The following CSMD1 variants were observed in gnomAD, a reference collection of about 807,000 sequenced individuals.
CSMD1 encodes CUB and sushi domain-containing protein 1.
Under a neutral mutation model 417.5 loss-of-function variants are expected in CSMD1, and 213 were observed. That is an observed-to-expected ratio of 0.51 (90% CI 0.46 to 0.57). The LOEUF is 0.57. Ranked by LOEUF, CSMD1 falls within the 20% of genes least tolerant of loss-of-function variation. CSMD1 has a pLI of 0.00. For synonymous variants in CSMD1, 2,862 were observed against 1,736.8 expected (o/e 1.65, Z -16.11); for missense variants, 6,923 against 4,529.7 (o/e 1.53, Z -15.17).
intron 5 of CSMD1, among the ~76,000 whole-genome samples, chr8:3,980,289 G>C (rs1467876569): frequency 6.6e-6 from 1 of 152,144 alleles, no homozygotes; most frequent in Non-Finnish European, 1.5e-5. Flanking sequence ...TCCGACCACA[G>C]CCCAATGCTA....
At chr8:4,732,031 G>A (rs990234322) in intron 1 of CSMD1, among the ~76,000 whole-genome samples, 4 of 152,118 alleles carry the variant, frequency 2.6e-5, no homozygotes, top group Non-Finnish European at 4.4e-5. Flanking sequence ...AGTGTTGACT[G>A]CATGCCTCCC....
At chr8:3,844,525 A>G (rs192528243) in intron 5 of CSMD1, among the ~76,000 whole-genome samples, 217 of 152,312 alleles carry the variant, frequency 1.4e-3, no homozygotes, top group Non-Finnish European at 2.5e-3. Context: ...ATCATCTTTT[A>G]GCAGAATTGT....
intron 1 of CSMD1, among the ~76,000 whole-genome samples, chr8:4,930,390 TATATACAC>T (rs1263175764): frequency 2.0e-5 from 3 of 152,116 alleles, no homozygotes; most frequent in Non-Finnish European, 4.4e-5. Context: ...CACGCATATA[TATATACAC>T]ATATACATGC....
intron 11 of CSMD1, among the ~76,000 whole-genome samples, chr8:3,477,909 A>G (rs935597119): frequency 1.3e-5 from 2 of 152,208 alleles, no homozygotes; most frequent in African/African-American, 4.8e-5. Context: ...GGTGGAAAAG[A>G]GCAGGAATCT....
At chr8:3,906,074 G>GCT (rs1424613715) in intron 5 of CSMD1, among the ~76,000 whole-genome samples, 3 of 152,088 alleles carry the variant, frequency 2.0e-5, no homozygotes, top group African/African-American at 7.2e-5. Context: ...TCACAGACAT[G>GCT]CTCTCTCTTT....
At chr8:4,167,460 G>A (rs568953216) in intron 3 of CSMD1, among the ~76,000 whole-genome samples, 23 of 152,148 alleles carry the variant, frequency 1.5e-4, no homozygotes, top group African/African-American at 4.3e-4. Context: ...ATAGAATGAC[G>A]GTGGCTGAGA....
chr8:4,308,533 G>A (rs188654721), intron 3 of CSMD1, among the ~76,000 whole-genome samples: 2 of 152,210 alleles, frequency 1.3e-5, no homozygotes, highest in African/African-American at 4.8e-5. Context: ...GCTGTGTTTA[G>A]CAGAGTTGGA....
At chr8:4,790,017 T>C (rs1356699011) in intron 1 of CSMD1, among the ~76,000 whole-genome samples, 1 of 152,176 alleles carries the variant, frequency 6.6e-6, no homozygotes, top group African/African-American at 2.4e-5. Flanking sequence ...GTTATAGTGA[T>C]GAAAAGGAAT....
At chr8:3,565,128 C>G (rs1291099326) in intron 10 of CSMD1, among the ~76,000 whole-genome samples, 1 of 4,942 alleles carries the variant, frequency 2.0e-4, no homozygotes, top group African/African-American at 8.2e-4. Flanking sequence ...TAGTGCAAGA[C>G]AGCAAAAAAA....
At chr8:3,817,354 C>T (rs1225179999) in intron 5 of CSMD1, among the ~76,000 whole-genome samples, 3 of 135,756 alleles carry the variant, frequency 2.2e-5, no homozygotes, top group African/African-American at 8.2e-5. Flanking sequence ...GATCTTGGCT[C>T]ACTGCAACGT....
At chr8:3,369,155 T>C in intron 19 of CSMD1, 99 bp downstream of exon 19, 2 of 606,438 alleles carry the variant, frequency 3.3e-6, no homozygotes, top group Non-Finnish European at 5.9e-6. Context: ...AGAAAAGTAG[T>C]TATCTCACTT....
chr8:3,619,599 T>G (rs1387845943), intron 7 of CSMD1, among the ~76,000 whole-genome samples: 2 of 152,238 alleles, frequency 1.3e-5, no homozygotes, highest in African/African-American at 4.8e-5. Context: ...TCAAGGAGAT[T>G]AATGAACACC....
intron 26 of CSMD1, among the ~76,000 whole-genome samples, chr8:3,254,666 C>T (rs1196186297): frequency 6.6e-6 from 1 of 152,170 alleles, no homozygotes; most frequent in Non-Finnish European, 1.5e-5. Flanking sequence ...ACCGAATTGG[C>T]TATTGAGACT....
At chr8:3,457,303 C>T (rs553800757) in intron 12 of CSMD1, among the ~76,000 whole-genome samples, 1 of 152,294 alleles carries the variant, frequency 6.6e-6, no homozygotes, top group East Asian at 1.9e-4. Flanking sequence ...TCCTACACTC[C>T]CTGACCTTCA....
At chr8:4,264,544 T>A (rs895133041) in intron 3 of CSMD1, among the ~76,000 whole-genome samples, 1 of 152,262 alleles carries the variant, frequency 6.6e-6, no homozygotes, top group South Asian at 2.1e-4. Context: ...CTTAAAGCCC[T>A]GTTTTTAAGG....
At chr8:3,113,078 G>A (rs886136408) in intron 42 of CSMD1, 3 of 152,264 alleles carry the variant, frequency 2.0e-5, no homozygotes, top group Non-Finnish European at 4.4e-5. Flanking sequence ...ACTGCAGGAA[G>A]TGTGCGTGTC....
chr8:3,717,322 G>A (rs1214269065), intron 6 of CSMD1, among the ~76,000 whole-genome samples: 6 of 152,046 alleles, frequency 3.9e-5, no homozygotes, highest in African/African-American at 1.4e-4. Context: ...TTGTATGTCA[G>A]TTGTTTAAAT....
chr8:3,504,691 C>A lies in CSMD1; in HGVS notation c.1345-10965G>T, dbSNP rs568362467. Among the ~76,000 whole-genome samples, 33 of 152,222 alleles carry A rather than the reference C, an allele frequency of 2.2e-4. No homozygotes were observed. In the South Asian group the frequency reaches 6.6e-3, roughly 31 times the overall value. On this transcript the variant is annotated intron_variant, in intron 10 of 69. Transcript: ENST00000635120. ...AATGACCTCTTATCTTTTGAATTCC[C>A]GGCAAATTTTATCACCTGCACCCTT... is the stretch of plus-strand genomic sequence containing the variant.
intron 19 of CSMD1, among the ~76,000 whole-genome samples, chr8:3,367,924 C>T (rs28616269): frequency 0.24 from 36,209 of 151,962 alleles, 4,411 homozygotes; most frequent in African/African-American, 0.3. Context: ...TCAATTTACT[C>T]TAAACAGGTG....
Sources: allele counts gnomAD v4.1 joint callset (sites outside exome capture counted in the v4.1 genomes callset), GRCh38; gene constraint gnomAD v4.1.1; transcripts MANE v1.5; gene names NCBI Gene and HGNC (gene_info 2026-07-23, HGNC 2026-07-21).